Variants in CHST9 observed in about 807,000 individuals in gnomAD.
CHST9 encodes carbohydrate sulfotransferase 9.
Under a neutral mutation model 44.4 loss-of-function variants are expected in CHST9, and 41 were observed. The observed-to-expected ratio is 0.92, with a 90% CI of 0.72 to 1.20. The LOEUF (loss-of-function observed/expected upper bound fraction) is 1.20. Ranked by LOEUF, CHST9 falls within the 50% of genes most tolerant of loss-of-function variation. CHST9 has a pLI of 0.00. For synonymous variants in CHST9, 171 were observed against 178.4 expected, an observed-to-expected ratio of 0.96 and a Z score of 0.33; for missense variants, 504 against 516.5, an observed-to-expected ratio of 0.98 and a Z score of 0.23.
At chr18:26,938,892 A>T (rs1486410344) in intron 5 of CHST9, among the ~76,000 whole-genome samples, 1 of 152,196 alleles carries the variant, frequency 6.6e-6, no homozygotes, top group African/African-American at 2.4e-5. Context: ...CCTGCCTTAT[A>T]AGAATCAATG....
At chr18:27,137,241 A>T (rs534961452) in intron 2 of CHST9, among the ~76,000 whole-genome samples, 2 of 151,138 alleles carry the variant, frequency 1.3e-5, no homozygotes, top group African/African-American at 4.8e-5. Context: ...ATATTGACTC[A>T]TAATTGATTA....
At chr18:26,972,511 A>C (rs1377371641) in intron 4 of CHST9, among the ~76,000 whole-genome samples, 1 of 149,944 alleles carries the variant, frequency 6.7e-6, no homozygotes, top group African/African-American at 2.4e-5. Context: ...AGGGAGAGAG[A>C]GCATGGCCGT....
chr18:26,931,584 G>C (rs2055877939), intron 5 of CHST9, among the ~76,000 whole-genome samples: 1 of 152,184 alleles, frequency 6.6e-6, no homozygotes, highest in Non-Finnish European at 1.5e-5. Flanking sequence ...CAAGTCCCTG[G>C]AGCCTGCTTC....
chr18:27,009,613 C>T (rs2057059112), intron 4 of CHST9, among the ~76,000 whole-genome samples: 1 of 152,192 alleles, frequency 6.6e-6, no homozygotes, highest in Non-Finnish European at 1.5e-5. Flanking sequence ...ATTTCTGACA[C>T]ATGGCATGCA....
intron 2 of CHST9, among the ~76,000 whole-genome samples, chr18:27,072,932 T>C (rs956874197): frequency 6.6e-6 from 1 of 152,070 alleles, no homozygotes; most frequent in East Asian, 1.9e-4. Context: ...AACTCATTAG[T>C]TATGAAGAGT....
At chr18:27,178,486 C>T (rs1037775760) in intron 1 of CHST9, among the ~76,000 whole-genome samples, 1 of 151,860 alleles carries the variant, frequency 6.6e-6, no homozygotes, top group African/African-American at 2.4e-5. Flanking sequence ...TTCATATTAA[C>T]TCTTCATTTT....
At chr18:27,015,889 T>C (rs2057147790) in intron 4 of CHST9, among the ~76,000 whole-genome samples, 1 of 152,222 alleles carries the variant, frequency 6.6e-6, no homozygotes, top group African/African-American at 2.4e-5. Flanking sequence ...GGATATAATT[T>C]CAAGACTTTG....
At chr18:27,136,589 G>A (rs2058514829) in intron 2 of CHST9, among the ~76,000 whole-genome samples, 1 of 152,168 alleles carries the variant, frequency 6.6e-6, no homozygotes, top group Non-Finnish European at 1.5e-5. Flanking sequence ...TTGAAAAATG[G>A]GAATACTAAT....
chr18:27,180,455 AGTC>A (rs1208911165), intron 1 of CHST9, among the ~76,000 whole-genome samples: 1 of 152,176 alleles, frequency 6.6e-6, no homozygotes, highest in Non-Finnish European at 1.5e-5. Flanking sequence ...CAAGGATCAC[AGTC>A]TGGTCCACGA....
intron 4 of CHST9, among the ~76,000 whole-genome samples, chr18:26,980,658 C>A (rs1432358227): frequency 6.6e-6 from 1 of 152,108 alleles, no homozygotes; most frequent in East Asian, 1.9e-4. Flanking sequence ...CTTCAGCATG[C>A]AGATTTAATT....
At chr18:27,113,136 C>T (rs1403527697) in intron 2 of CHST9, among the ~76,000 whole-genome samples, 2 of 149,956 alleles carry the variant, frequency 1.3e-5, no homozygotes, top group Non-Finnish European at 2.9e-5. Flanking sequence ...TTGCAGTAAG[C>T]GGAGATCACG....
At chr18:26,998,007 T>C (rs971491305) in intron 4 of CHST9, among the ~76,000 whole-genome samples, 2 of 152,238 alleles carry the variant, frequency 1.3e-5, no homozygotes, top group African/African-American at 4.8e-5. Context: ...TAATTTTGCA[T>C]CTTTTTTTGT....
rs563535489 is a variant in CHST9, at chr18:27,169,692, C to T, written c.-97+15444G>A. Among the ~76,000 whole-genome samples the T allele has an allele frequency of 1.3e-3, 196 of 149,402 alleles. 1 individual carries two copies. The highest frequency in any genetic ancestry group is 3.6e-3 in the Middle Eastern group (1 of 278). On this transcript the variant is annotated intron_variant, in intron 1 of 5. Transcript: ENST00000618847. ...CACGATCTTGGCTCACTGCAAGCTCCGCCTCCCAGGTTCACACCATTCTCC... is the reference window on the plus strand; with the variant it reads ...CACGATCTTGGCTCACTGCAAGCTCTGCCTCCCAGGTTCACACCATTCTCC...
chr18:27,053,288 GA>G (rs2057608676), intron 2 of CHST9, among the ~76,000 whole-genome samples: 1 of 125,218 alleles, frequency 8.0e-6, no homozygotes, highest in African/African-American at 3.1e-5. Context: ...AGGAGAAGGA[GA>G]AGGAGAAGGA....
At chr18:27,009,443 C>A (rs1159217569) in intron 4 of CHST9, among the ~76,000 whole-genome samples, 2 of 152,098 alleles carry the variant, frequency 1.3e-5, no homozygotes, top group Admixed American at 6.5e-5. Context: ...TGTTCATGAT[C>A]CTTTACTAAA....
chr18:26,992,616 C>A (rs138998589), intron 4 of CHST9, among the ~76,000 whole-genome samples: 214 of 150,862 alleles, frequency 1.4e-3, no homozygotes, highest in East Asian at 0.011. Flanking sequence ...CTTTGAAATT[C>A]TTTCTTTTTT....
rs2055427353 is a variant in CHST9, at chr18:26,910,566, C to G, written c.*5693G>C. 1 of 152,118 alleles carries G rather than the reference C, an allele frequency of 6.6e-6. No homozygotes were observed. The highest frequency in any genetic ancestry group is 2.1e-4 in the South Asian group (1 of 4,822). The allele number at this position is 152,118 out of a possible 1,614,324, so 9.4% of individuals were successfully genotyped here. A position where few individuals can be genotyped will look rare whatever the true frequency, so the allele number is the denominator to read the frequency against. On this transcript the variant is annotated 3_prime_UTR_variant, in exon 6 of 6. Transcript: ENST00000618847. ...CTCTGTCCAACTATTTTCAGGTGGG[C>G]ATATAGAATGTAGGGTAACAAATCC...
chr18:27,022,625 A>T (rs1414860003), intron 4 of CHST9, among the ~76,000 whole-genome samples: 1 of 152,164 alleles, frequency 6.6e-6, no homozygotes, highest in African/African-American at 2.4e-5. Context: ...TGGGCAATAC[A>T]TGTGCTTTGA....
In CHST9 at chr18:26,978,034, G is replaced by A. The variant is rs544669555; in HGVS notation, c.203-33668C>T. On this transcript the variant is annotated intron_variant, in intron 4 of 5. Coordinates refer to ENST00000618847, the MANE Select transcript of CHST9 (RefSeq NM_031422.6). ...AGAAAGAGAGCAGGCATGTGCATGT[G>A]TAAGAAATAAGACATGCTTTGATGA... Among the ~76,000 whole-genome samples the A allele has an allele frequency of 1.4e-3, 210 of 152,018 alleles. No homozygotes were observed. In the South Asian group the frequency reaches 0.016, roughly 12 times the overall value.
Sources: gnomAD v4.1 joint callset for allele counts (sites outside exome capture counted in the v4.1 genomes callset) on GRCh38, gnomAD v4.1.1 for gene constraint, MANE v1.5 for transcripts, NCBI Gene and HGNC (gene_info 2026-07-23, HGNC 2026-07-21) for gene names.